VWDE: variants seen among roughly 807,000 people sequenced by gnomAD.
VWDE encodes the protein von Willebrand factor D and EGF domains.
VWDE carries 207 observed loss-of-function variants against 178.4 expected under a neutral mutation model. The observed-to-expected ratio is 1.16, with a 90% CI of 1.04 to 1.30. The LOEUF is 1.30. Among genes scored for constraint, VWDE ranks in the 50% most tolerant of loss-of-function variants. The pLI is 0.00. For missense variants in VWDE, 2,287 were observed against 1,901.3 expected (o/e 1.20, Z -3.77); for synonymous variants, 738 against 651.4 (o/e 1.13, Z -2.02).
intron 2 of VWDE, among the ~76,000 whole-genome samples, chr7:12,393,276 G>A (rs562746913): frequency 6.6e-6 from 1 of 152,276 alleles, no homozygotes; most frequent in East Asian, 1.9e-4. Context: ...CCTGCTACCT[G>A]TGACTGTAAG....
At chr7:12,354,094 TTG>T (rs1223869372) in intron 18 of VWDE, 4 of 175,868 alleles carry the variant, frequency 2.3e-5, no homozygotes. Context: ...ACTAGCCCTT[TTG>T]TGATTTCTAT....
chr7:12,363,297 G>A (rs1474742924), intron 13 of VWDE, among the ~76,000 whole-genome samples: 2 of 151,876 alleles, frequency 1.3e-5, no homozygotes, highest in Non-Finnish European at 2.9e-5. Context: ...CATGAATGGA[G>A]GGAATAGTGT....
intron 15 of VWDE, among the ~76,000 whole-genome samples, chr7:12,360,832 G>A (rs62448565): frequency 0.11 from 16,499 of 152,094 alleles, 1,055 homozygotes; most frequent in Non-Finnish European, 0.14. Flanking sequence ...AGTAGGTAAC[G>A]TAAGATCTCT....
At position 12,332,635 on chromosome 7, in the gene VWDE, A is replaced by G. The variant is rs1780789725; in HGVS notation, c.4758+830T>C. ...TTTTATTTTTCTCAAACAATATTTAATCAAATAAGTACTCAATAACTTTTG... is the reference window on the plus strand; with the variant it reads ...TTTTATTTTTCTCAAACAATATTTAGTCAAATAAGTACTCAATAACTTTTG... On this transcript the variant is annotated intron_variant, in intron 28 of 28. Transcript: ENST00000275358. Among the ~76,000 whole-genome samples the G allele has an allele frequency of 5.9e-5, 9 of 152,166 alleles. No homozygotes were observed. In the South Asian group the frequency reaches 1.9e-3, roughly 32 times the overall value.
intron 19 of VWDE, among the ~76,000 whole-genome samples, chr7:12,345,286 C>A (rs1209693514): frequency 1.3e-5 from 2 of 152,036 alleles, no homozygotes; most frequent in Admixed American, 6.6e-5. Context: ...AATAAGTGAA[C>A]TAAGCAGAAT....
Position 12,377,891 on chromosome 7 carries a change from C to G in VWDE, c.909G>C (p.Glu303Asp). Residue 303 changes from glutamate to aspartate, a missense_variant, in exon 7 of 29, where the codon GAG becomes GAC. Transcript: ENST00000275358. Reference protein sequence around the residue: ...KLQPELSTISEDGKEYYLRIE... With the variant: ...KLQPELSTISDDGKEYYLRIE... ...TCCTCAGGTAGTATTCTTTCCCATC[C>G]TCTGATATAGTGCTCAATTCAGGCT... The G allele has an allele frequency of 6.6e-7, 1 of 1,512,012 alleles. No individual in the cohort carries two copies. The highest frequency in any genetic ancestry group is 8.9e-7 in the Non-Finnish European group (1 of 1,129,664). 93.7% of individuals were successfully genotyped at this position (1,512,012 alleles called of 1,614,324 possible).
intron 21 of VWDE, among the ~76,000 whole-genome samples, chr7:12,343,988 G>A (rs2356171): frequency 1.3e-5 from 2 of 151,830 alleles, no homozygotes; most frequent in African/African-American, 4.8e-5. Context: ...ATTGCCCCTT[G>A]AATCTCTGAT....
At chr7:12,371,964 C>A (rs1254275629) in intron 10 of VWDE, among the ~76,000 whole-genome samples, 1 of 151,970 alleles carries the variant, frequency 6.6e-6, no homozygotes, top group Non-Finnish European at 1.5e-5. Context: ...AGTAAAATTT[C>A]TTGGCAAAAT....
At chr7:12,385,911 G>T (rs1394887502) in intron 3 of VWDE, among the ~76,000 whole-genome samples, 2 of 152,068 alleles carry the variant, frequency 1.3e-5, no homozygotes, top group African/African-American at 4.8e-5. Context: ...GAAATCAAGT[G>T]GATGATAGTG....
At chr7:12,402,201 A>G (rs955865424) in intron 1 of VWDE, among the ~76,000 whole-genome samples, 1 of 152,218 alleles carries the variant, frequency 6.6e-6, no homozygotes, top group Non-Finnish European at 1.5e-5. Flanking sequence ...TTTCTTTCTG[A>G]TTGATAAATA....
chr7:12,358,765 C>T (rs1191404248), intron 16 of VWDE, among the ~76,000 whole-genome samples: 4 of 152,138 alleles, frequency 2.6e-5, no homozygotes, highest in Non-Finnish European at 4.4e-5. Flanking sequence ...TAGCCATTGA[C>T]AAAACAGAGG....
At chr7:12,389,095 A>C (rs749645378) in intron 3 of VWDE, 32 bp downstream of exon 3, 6 of 1,375,850 alleles carry the variant, frequency 4.4e-6, no homozygotes, top group Non-Finnish European at 5.1e-6. Flanking sequence ...TTCCATGAAT[A>C]ACAGTCATGT....
intron 5 of VWDE, 56 bp downstream of exon 5, chr7:12,380,430 C>T (rs966799537): frequency 4.6e-6 from 7 of 1,517,322 alleles, no homozygotes; most frequent in African/African-American, 1.4e-5. Flanking sequence ...GTTTAAAAAT[C>T]GTGTTTGAAA....
chr7:12,366,960 G>A (rs1011804889), intron 13 of VWDE, among the ~76,000 whole-genome samples: 1 of 151,932 alleles, frequency 6.6e-6, no homozygotes, highest in African/African-American at 2.4e-5. Context: ...AAAATATAAA[G>A]AATAAATGCA....
intron 19 of VWDE, among the ~76,000 whole-genome samples, chr7:12,349,517 A>G (rs1275868436): frequency 6.6e-6 from 1 of 151,752 alleles, no homozygotes; most frequent in East Asian, 1.9e-4. Flanking sequence ...TATTTATTTG[A>G]TTACATAAAA....
intron 19 of VWDE, among the ~76,000 whole-genome samples, chr7:12,349,399 G>T (rs1271792704): frequency 6.6e-6 from 1 of 150,848 alleles, no homozygotes; most frequent in Non-Finnish European, 1.5e-5. Flanking sequence ...AAAACTAAAT[G>T]TAAAATATAA....
Position 12,336,193 on chromosome 7 carries a change from CGCAAT to C in VWDE, c.4597_4601del (p.Ile1533AlafsTer41). The C allele has an allele frequency of 1.3e-6, 2 of 1,551,262 alleles. No homozygotes were observed. Among genetic ancestry groups the C allele is most frequent in the Non-Finnish European group, 1.7e-6 (2 of 1,146,850 alleles). The stretch of plus-strand genomic sequence containing the variant: ...AGGAAGGACAATGGCATATGCTGGG[CGCAAT>C]GCATTCACCACCGTTTTTACATTTC... On this transcript the variant is annotated frameshift_variant, in exon 27 of 29. Transcript: ENST00000275358. LOFTEE classifies it high-confidence loss of function.
Position 12,375,101 on chromosome 7 carries a change from GA to G in VWDE, c.1150del (p.Ser384LeufsTer11), listed in dbSNP as rs1261788629. ...FVYYTAVTDF[S>X]RDGDRVSNIV... Reference sequence around the variant, plus strand: ...GTTTGAGACTCTATCTCCATCTCGAGAAAAATCTGTGACAGCAGTGTAGTAC... The same window carrying G: ...GTTTGAGACTCTATCTCCATCTCGAGAAAATCTGTGACAGCAGTGTAGTAC... On this transcript the variant is annotated frameshift_variant, in exon 8 of 29. Coordinates refer to ENST00000275358, the MANE Select transcript of VWDE (RefSeq NM_001135924.3). LOFTEE classifies it high-confidence loss of function. 1 of 1,551,134 alleles carries G rather than the reference GA, an allele frequency of 6.4e-7. No individual in the cohort carries two copies. Among genetic ancestry groups the G allele is most frequent in the Non-Finnish European group, 8.7e-7 (1 of 1,146,686 alleles).
At position 12,354,666 on chromosome 7, in the gene VWDE, AG is replaced by A. The variant is rs1782126724; in HGVS notation, c.3745+1444del. On this transcript the variant is annotated intron_variant, in intron 18 of 28. Transcript: ENST00000275358. ...AAACTTACTGTATAATCAAATATAAAGTCACTAATTACATTCAATTTAATAT... is the reference window on the plus strand; with the variant it reads ...AAACTTACTGTATAATCAAATATAAATCACTAATTACATTCAATTTAATAT... Among the ~76,000 whole-genome samples, 11 of 152,356 alleles carry A rather than the reference AG, an allele frequency of 7.2e-5. No homozygotes were observed. In the South Asian group the frequency reaches 2.3e-3, roughly 32 times the overall value.
Sources: allele counts gnomAD v4.1 joint callset (sites outside exome capture counted in the v4.1 genomes callset), GRCh38; gene constraint gnomAD v4.1.1; transcripts MANE v1.5; gene names NCBI Gene and HGNC (gene_info 2026-07-23, HGNC 2026-07-21).